The following TSEN15 variants were observed in gnomAD, a reference collection of about 807,000 sequenced individuals.
TSEN15 encodes the protein tRNA-splicing endonuclease subunit Sen15.
In TSEN15, 10 loss-of-function variants were observed where a neutral mutation model predicts 20.5. That is an observed-to-expected ratio of 0.49 (90% CI 0.30 to 0.83). The LOEUF is 0.83. TSEN15 is among the 40% of genes least tolerant of loss of function. TSEN15 has a pLI of 0.06. For synonymous variants in TSEN15, 72 were observed against 80.1 expected, an observed-to-expected ratio of 0.90 and a Z score of 0.54; for missense variants, 180 against 218.6, an observed-to-expected ratio of 0.82 and a Z score of 1.11.
chr1:184,067,555 A>G (rs1044275665), intron 3 of TSEN15, among the ~76,000 whole-genome samples: 8 of 152,074 alleles, frequency 5.3e-5, no homozygotes, highest in Non-Finnish European at 1.0e-4. Flanking sequence ...GAGACTTCCT[A>G]ATTAATACCT....
intron 4 of TSEN15, 31 bp from the exon 5 acceptor site, chr1:184,072,796 A>G: frequency 6.3e-7 from 1 of 1,592,240 alleles, no homozygotes; most frequent in African/African-American, 1.4e-5. Context: ...TTTATCGGAG[A>G]AAAGTCCATC....
In TSEN15 at chr1:184,051,822, G is replaced by A; in HGVS notation, c.67G>A (p.Gly23Ser). Residue 23 changes from glycine (G) to serine (S), a missense_variant, in exon 1 of 5, where the codon GGC becomes AGC. Gly to Ser is a moderately conservative substitution (Grantham distance 56). Around this residue, in one of 3 missense-constraint regions of TSEN15, gnomAD observed 76 missense variants for 66.5 expected, o/e 1.14. Coordinates refer to ENST00000645668, the MANE Select transcript of TSEN15 (RefSeq NM_052965.4). Reference protein sequence around the residue: ...CSGLGPGGVRGFGDGGGAPSW... With the variant: ...CSGLGPGGVRSFGDGGGAPSW... ...CGGCCTGGGTCCGGGCGGTGTTCGCGGCTTTGGCGACGGCGGTGGAGCTCC... is the reference window on the plus strand; with the variant it reads ...CGGCCTGGGTCCGGGCGGTGTTCGCAGCTTTGGCGACGGCGGTGGAGCTCC... 6.5e-7 allele frequency: 1 copy of A among 1,545,068 alleles called. No homozygotes were observed. The highest frequency in any genetic ancestry group is 8.7e-7 in the Non-Finnish European group (1 of 1,145,418).
At chr1:184,058,831 A>AT (rs1650341076) in intron 3 of TSEN15, among the ~76,000 whole-genome samples, 1 of 152,194 alleles carries the variant, frequency 6.6e-6, no homozygotes, top group Non-Finnish European at 1.5e-5. Context: ...ATCTACATAA[A>AT]TTAACGATTC....
Position 184,054,446 on chromosome 1 carries a change from T to C in TSEN15, c.217+11T>C. On this transcript the variant is annotated intron_variant, in intron 2 of 4. Transcript: ENST00000645668. ...TGGACCTCATGGAAAGTAAGTTGTT[T>C]GTTTATATTGTTTTGTTATTGGGAC... 1 of 1,592,206 alleles carries C rather than the reference T, an allele frequency of 6.3e-7. No homozygotes were observed. Among genetic ancestry groups the C allele is most frequent in the Non-Finnish European group, 8.6e-7 (1 of 1,161,272 alleles).
intron 3 of TSEN15, among the ~76,000 whole-genome samples, chr1:184,084,907 G>A (rs1246122260): frequency 6.6e-6 from 1 of 152,006 alleles, no homozygotes; most frequent in Non-Finnish European, 1.5e-5. Context: ...AAGATGGGGG[G>A]ACAATTTTAC....
rs1003957107 is a variant in TSEN15 at position 184,070,623 on chromosome 1, C to T, written c.354-1534C>T. 3.9e-5 allele frequency: 50 copies of T among 1,270,742 alleles called. No homozygotes were observed. In the Admixed American group the frequency reaches 4.7e-4, roughly 12 times the overall value. The allele number at this position is 1,270,742 out of a possible 1,614,324, so 78.7% of individuals were successfully genotyped here. On this transcript the variant is annotated intron_variant, in intron 3 of 4. Coordinates refer to ENST00000645668, the MANE Select transcript of TSEN15 (RefSeq NM_052965.4). ...CTATTATTATTAATTTAGATATTGG[C>T]GTGCCACTTTTGAAGAAGGAAAATA...
chr1:184,086,226 A>T (rs1469925960), intron 3 of TSEN15, among the ~76,000 whole-genome samples: 1 of 152,206 alleles, frequency 6.6e-6, no homozygotes, highest in Non-Finnish European at 1.5e-5. Context: ...TCTAAATTTT[A>T]AAAAAATGTT....
intron 3 of TSEN15, among the ~76,000 whole-genome samples, chr1:184,085,448 G>A (rs1037606687): frequency 6.6e-6 from 1 of 152,188 alleles, no homozygotes; most frequent in African/African-American, 2.4e-5. Flanking sequence ...AATATTTGTG[G>A]AAGAAAATAA....
At chr1:184,067,796 G>A (rs1287586448) in intron 3 of TSEN15, among the ~76,000 whole-genome samples, 1 of 151,280 alleles carries the variant, frequency 6.6e-6, no homozygotes, top group Non-Finnish European at 1.5e-5. Flanking sequence ...GTGTGTGCCT[G>A]TAGTCCCAGC....
Position 184,070,697 on chromosome 1 carries a change from G to A in TSEN15, c.354-1460G>A, listed in dbSNP as rs752242686. ...ATTGAAGAAGCAATTGTGATATGCTGCCTTTTATCACAGTGTGACTTCCCA... is the reference window on the plus strand; with the variant it reads ...ATTGAAGAAGCAATTGTGATATGCTACCTTTTATCACAGTGTGACTTCCCA... On this transcript the variant is annotated intron_variant, in intron 3 of 4. Coordinates refer to ENST00000645668, the MANE Select transcript of TSEN15 (RefSeq NM_052965.4). 4 of 1,281,686 alleles carry A rather than the reference G, an allele frequency of 3.1e-6. No individual in the cohort carries two copies. In the African/African-American group the frequency reaches 6.2e-5, roughly 20 times the overall value. The allele number at this position is 1,281,686 out of a possible 1,614,324, so 79.4% of individuals were successfully genotyped here. A position where few individuals can be genotyped will look rare whatever the true frequency, so the allele number is the denominator to read the frequency against.
intron 1 of TSEN15, among the ~76,000 whole-genome samples, chr1:184,054,129 CACTT>C (rs1650154309): frequency 6.6e-6 from 1 of 152,168 alleles, no homozygotes; most frequent in South Asian, 2.1e-4. Flanking sequence ...GGTTTTTAAT[CACTT>C]ACAGTCATAT....
In TSEN15 at chr1:184,091,221, T is replaced by G. The variant is rs1032927440; in HGVS notation, c.354-4469T>G. 1.2e-4 allele frequency among the ~76,000 whole-genome samples: 19 copies of G among 152,236 alleles called. 1 individual carries two copies. Among genetic ancestry groups the G allele is most frequent in the African/African-American group, 4.6e-4 (19 of 41,538 alleles). ...ATGATCCAAAAGAAGGAGAAGGGGC[T>G]TAAGTGTGATGCAAGTCTGGGTTCA... On this transcript the variant is annotated intron_variant, in intron 3 of 3. Transcript: ENST00000643231.
chr1:184,094,370 T>G (rs1311935698), intron 3 of TSEN15: 1 of 152,262 alleles, frequency 6.6e-6, no homozygotes. Flanking sequence ...CCTGGAGAGA[T>G]TAGAGTCTAC....
downstream of TSEN15, among the ~76,000 whole-genome samples, chr1:184,078,708 T>G (rs183040399): frequency 1.1e-4 from 16 of 152,328 alleles, no homozygotes; most frequent in African/African-American, 3.8e-4. Flanking sequence ...AAGGAAGAGG[T>G]ACTTTGGAAT....
At chr1:184,062,476 G>C (rs1260077132) in intron 3 of TSEN15, among the ~76,000 whole-genome samples, 1 of 152,086 alleles carries the variant, frequency 6.6e-6, no homozygotes, top group Non-Finnish European at 1.5e-5. Flanking sequence ...CTTTTTCAGT[G>C]CTAAGATTGC....
At chr1:184,065,219 C>T (rs896071390) in intron 3 of TSEN15, among the ~76,000 whole-genome samples, 2 of 151,688 alleles carry the variant, frequency 1.3e-5, no homozygotes, top group South Asian at 2.1e-4. Context: ...ATTTTTTAGA[C>T]CAATTTTAGA....
At chr1:184,096,839 C>A (rs1297645496) in exon 4 of TSEN15, 1 of 152,202 alleles carries the variant, frequency 6.6e-6, no homozygotes, top group Non-Finnish European at 1.5e-5. Flanking sequence ...ATCATGATAA[C>A]AGCACGAGAA....
chr1:184,082,404 A>G (rs1651187014), intron 3 of TSEN15, among the ~76,000 whole-genome samples: 1 of 152,132 alleles, frequency 6.6e-6, no homozygotes, highest in African/African-American at 2.4e-5. Flanking sequence ...TTTCCCAGCC[A>G]TATGTGCTTC....
At chr1:184,086,484 T>C (rs1651264040) in intron 3 of TSEN15, among the ~76,000 whole-genome samples, 1 of 152,188 alleles carries the variant, frequency 6.6e-6, no homozygotes, top group South Asian at 2.1e-4. Context: ...GTTTTTGTGG[T>C]TCAGAAATTT....
Sources: allele counts gnomAD v4.1 joint callset (sites outside exome capture counted in the v4.1 genomes callset), GRCh38; gene constraint gnomAD v4.1.1; regional missense constraint gnomAD v4.1.1; transcripts MANE v1.5; gene names NCBI Gene and HGNC (gene_info 2026-07-23, HGNC 2026-07-21).